LCOR: variants seen among roughly 807,000 people sequenced by gnomAD.
LCOR encodes the protein ligand dependent nuclear receptor corepressor.
In LCOR, 14 loss-of-function variants were observed where a neutral mutation model predicts 64.4. That is an observed-to-expected ratio of 0.22 (90% CI 0.14 to 0.34). LCOR has a LOEUF of 0.34. Ranked by LOEUF, LCOR falls within the 10% of genes least tolerant of loss-of-function variation. The probability of loss-of-function intolerance (pLI) is 1.00; values close to 1 mark genes in which losing one functional copy is unlikely to be tolerated. For synonymous variants in LCOR, 643 were observed against 642.5 expected (o/e 1.00, Z -0.01); for missense variants, 1,686 against 1,765.3 (o/e 0.96, Z 0.80).
intron 7 of LCOR, among the ~76,000 whole-genome samples, chr10:96,969,277 C>G (rs2134552859): frequency 6.6e-6 from 1 of 152,262 alleles, no homozygotes; most frequent in Middle Eastern, 3.4e-3. Flanking sequence ...CAAAGGGCAG[C>G]CAATCTTGTT....
intron 2 of LCOR, among the ~76,000 whole-genome samples, chr10:96,864,861 G>C (rs1304486118): frequency 6.6e-6 from 1 of 152,170 alleles, no homozygotes; most frequent in African/African-American, 2.4e-5. Context: ...CTAGGTTTGT[G>C]TAAGTACACC....
chr10:96,902,140 A>G (rs1320153928), intron 2 of LCOR, among the ~76,000 whole-genome samples: 4 of 152,160 alleles, frequency 2.6e-5, no homozygotes, highest in Admixed American at 6.5e-5. Flanking sequence ...TTAAAAAAAA[A>G]AAATACTATT....
At chr10:96,844,130 T>TTTCC (rs1554830912) in intron 2 of LCOR, among the ~76,000 whole-genome samples, 663 of 65,164 alleles carry the variant, frequency 0.01, 8 homozygotes, top group Middle Eastern at 0.018. Context: ...CCTCCCTTCC[T>TTTCC]TCCCTCCCTC....
intron 4 of LCOR, among the ~76,000 whole-genome samples, chr10:96,940,391 C>T (rs1329294831): frequency 9.8e-6 from 1 of 101,584 alleles, no homozygotes; most frequent in African/African-American, 3.9e-5. Context: ...CATAGGACAA[C>T]AGTGGAGGGA....
Position 96,881,891 on chromosome 10 carries a change from T to C in LCOR, c.-329-25374T>C, listed in dbSNP as rs183386796. ...CATTGTTTTACCACTTTTCAGTGTT[T>C]GATAATTCACTATTTCTCTTAGTCT... is the stretch of plus-strand genomic sequence containing the variant. On this transcript the variant is annotated intron_variant, in intron 2 of 7. Transcript: ENST00000421806. Among the ~76,000 whole-genome samples, 9 of 152,348 alleles carry C rather than the reference T, an allele frequency of 5.9e-5. No homozygotes were observed. The East Asian group carries it at 1.7e-3, about 29-fold the overall frequency.
Position 96,987,761 on chromosome 10 carries a change from G to A in LCOR, c.*2627G>A, listed in dbSNP as rs569574282. The A allele has an allele frequency of 6.6e-6, 1 of 152,300 alleles. No individual in the cohort carries two copies. Among genetic ancestry groups the A allele is most frequent in the East Asian group, 1.9e-4 (1 of 5,182 alleles). The allele number at this position is 152,300 out of a possible 1,614,324, so 9.4% of individuals were successfully genotyped here. On this transcript the variant is annotated 3_prime_UTR_variant, in exon 8 of 8. Coordinates refer to ENST00000421806, the MANE Select transcript of LCOR (RefSeq NM_001346516.2). ...ACAGCAAAACTTGAGGGCTAATCCT[G>A]CAAGGCCCTTTGATACCTACAGCAG...
chr10:96,929,816 G>A (rs1163024072), intron 4 of LCOR, among the ~76,000 whole-genome samples: 1 of 152,146 alleles, frequency 6.6e-6, no homozygotes, highest in African/African-American at 2.4e-5. Flanking sequence ...TTGAACACTA[G>A]AGGTCATTGT....
chr10:96,898,983 A>G (rs888882550), intron 2 of LCOR, among the ~76,000 whole-genome samples: 4 of 152,202 alleles, frequency 2.6e-5, no homozygotes, highest in South Asian at 2.1e-4. Flanking sequence ...ATAGGACTCA[A>G]TGACCGGAAT....
chr10:96,922,572 A>G (rs559766054), intron 4 of LCOR, among the ~76,000 whole-genome samples: 1 of 152,272 alleles, frequency 6.6e-6, no homozygotes, highest in African/African-American at 2.4e-5. Context: ...AATTCAGGGA[A>G]CCTTCTGATT....
intron 2 of LCOR, among the ~76,000 whole-genome samples, chr10:96,881,982 T>C (rs1274578600): frequency 2.0e-5 from 3 of 152,238 alleles, no homozygotes; most frequent in Admixed American, 6.5e-5. Context: ...TCTTCTAGCT[T>C]CCTCTAATTG....
chr10:96,957,958 G>T (rs1269074145), intron 7 of LCOR: 1 of 987,308 alleles, frequency 1.0e-6, no homozygotes, highest in Non-Finnish European at 1.2e-6. Context: ...CACCTAGCTG[G>T]AAGTTGCAAT....
intron 2 of LCOR, among the ~76,000 whole-genome samples, chr10:96,883,771 T>A (rs1438255241): frequency 6.6e-6 from 1 of 152,356 alleles, no homozygotes; most frequent in East Asian, 1.9e-4. Context: ...AGATATTTAT[T>A]TCCCAGTCTG....
At chr10:96,835,782 A>T (rs1027853563) in intron 2 of LCOR, among the ~76,000 whole-genome samples, 2 of 151,964 alleles carry the variant, frequency 1.3e-5, no homozygotes, top group African/African-American at 4.8e-5. Context: ...ACTTTTTTGG[A>T]GGGTGTGGGG....
chr10:96,937,591 A>G (rs190350155), intron 4 of LCOR, among the ~76,000 whole-genome samples: 24 of 152,186 alleles, frequency 1.6e-4, no homozygotes, highest in African/African-American at 2.9e-4. Context: ...GGCTCAAGCA[A>G]TCTGCCCGCC....
At chr10:96,954,364 A>G (rs973876597) in intron 7 of LCOR, among the ~76,000 whole-genome samples, 2 of 44,012 alleles carry the variant, frequency 4.5e-5, no homozygotes, top group Non-Finnish European at 9.1e-5. Flanking sequence ...CCGCCCCCCA[A>G]GCAAAATAAG....
At chr10:96,915,635 C>G (rs906449316) in intron 4 of LCOR, 36 of 885,366 alleles carry the variant, frequency 4.1e-5, no homozygotes, top group Non-Finnish European at 6.0e-5. Flanking sequence ...ACACTTCACT[C>G]GGCATCTGCA....
chr10:96,971,390 A>G (rs994325271), intron 7 of LCOR, among the ~76,000 whole-genome samples: 3 of 152,164 alleles, frequency 2.0e-5, no homozygotes, highest in Non-Finnish European at 4.4e-5. Context: ...GACTGACTTA[A>G]TGCCTGCCAT....
chr10:96,956,541 T>G lies in LCOR; in HGVS notation c.332+4345T>G, dbSNP rs556196056. On this transcript the variant is annotated intron_variant, in intron 7 of 7. Transcript: ENST00000421806. The stretch of plus-strand genomic sequence containing the variant: ...TATAATTTTCTTCTCACTATTAAAT[T>G]TATTTAAATTAGCAAGCTATTAGTG... The G allele has an allele frequency of 2.0e-5, 20 of 985,170 alleles. No individual in the cohort carries two copies. Among genetic ancestry groups the G allele is most frequent in the Non-Finnish European group, 1.9e-5 (16 of 829,342 alleles). 61.0% of individuals were successfully genotyped at this position (985,170 alleles called of 1,614,324 possible). A position where few individuals can be genotyped will look rare whatever the true frequency, so the allele number is the denominator to read the frequency against.
chr10:96,927,123 T>C (rs1847182294), intron 4 of LCOR, among the ~76,000 whole-genome samples: 1 of 152,188 alleles, frequency 6.6e-6, no homozygotes, highest in African/African-American at 2.4e-5. Flanking sequence ...CCATTTTGTG[T>C]TTCCATCAGC....
Sources: allele counts gnomAD v4.1 joint callset (sites outside exome capture counted in the v4.1 genomes callset), GRCh38; gene constraint gnomAD v4.1.1; transcripts MANE v1.5; gene names NCBI Gene and HGNC (gene_info 2026-07-23, HGNC 2026-07-21).